GPC6: variants seen among roughly 807,000 people sequenced by gnomAD.
The protein encoded by GPC6 is glypican-6.
In GPC6, 14 loss-of-function variants were observed where a neutral mutation model predicts 55.2. The ratio of observed to expected loss-of-function variants is 0.25; its 90% CI spans 0.17 to 0.40. The LOEUF (loss-of-function observed/expected upper bound fraction) is 0.40, where lower values mean the gene tolerates loss of function less well. Ranked by LOEUF, GPC6 falls within the 10% of genes least tolerant of loss-of-function variation. The probability of loss-of-function intolerance (pLI) is 1.00; values close to 1 mark genes in which losing one functional copy is unlikely to be tolerated. For synonymous variants in GPC6, 278 were observed against 259.6 expected (o/e 1.07, Z -0.68); for missense variants, 641 against 708.5 (o/e 0.90, Z 1.08).
At chr13:93,325,857 T>C (rs796736825) in intron 1 of GPC6, among the ~76,000 whole-genome samples, 67 of 152,242 alleles carry the variant, frequency 4.4e-4, no homozygotes, top group African/African-American at 1.4e-3. Flanking sequence ...TAGGGACTAA[T>C]GAGGAGACTC....
rs1566536809 is a variant in GPC6 at position 93,789,614 on chromosome 13, T to TATATATATAATACTAC, written c.320-40531_320-40530insATACTACATATATATA. 1.7e-3 allele frequency among the ~76,000 whole-genome samples: 66 copies of TATATATATAATACTAC among 39,388 alleles called. 1 individual carries two copies. The highest frequency in any genetic ancestry group is 7.4e-3 in the African/African-American group (65 of 8,840). 25.8% of individuals were successfully genotyped at this position (39,388 alleles called of 152,430 possible). A position where few individuals can be genotyped will look rare whatever the true frequency, so the allele number is the denominator to read the frequency against. On this transcript the variant is annotated intron_variant, in intron 2 of 8. Transcript: ENST00000377047. ...ATAATACTACATATATATATATATA[T>TATATATATAATACTAC]ATATATATATATATATATATATATA... is the stretch of plus-strand genomic sequence containing the variant.
intron 2 of GPC6, among the ~76,000 whole-genome samples, chr13:93,640,757 CTCCCTCCTCCCCACTTTCCT>C (rs1377478363): frequency 2.3e-5 from 2 of 85,314 alleles, no homozygotes; most frequent in East Asian, 5.6e-4. Context: ...CTTTCCTTCC[CTCCCTCCTCCCCACTTTCCT>C]TCCCTCCCTC....
At chr13:93,465,206 T>C (rs960778248) in intron 1 of GPC6, among the ~76,000 whole-genome samples, 1 of 152,190 alleles carries the variant, frequency 6.6e-6, no homozygotes, top group Non-Finnish European at 1.5e-5. Context: ...GAATGAGCAT[T>C]GGCTTCAACT....
intron 2 of GPC6, among the ~76,000 whole-genome samples, chr13:93,621,454 A>G (rs1348697616): frequency 6.6e-6 from 1 of 152,158 alleles, no homozygotes; most frequent in Admixed American, 6.5e-5. Context: ...TGTTTCTCAA[A>G]CTTGGTTGAT....
intron 1 of GPC6, among the ~76,000 whole-genome samples, chr13:93,268,288 G>A (rs1338605690): frequency 6.6e-6 from 1 of 152,160 alleles, no homozygotes; most frequent in Non-Finnish European, 1.5e-5. Context: ...GACTGGTCCC[G>A]CCTGTATGTT....
chr13:93,918,250 G>A (rs1417398975), intron 3 of GPC6, among the ~76,000 whole-genome samples: 1 of 152,098 alleles, frequency 6.6e-6, no homozygotes, highest in Non-Finnish European at 1.5e-5. Context: ...TATGTAGCAT[G>A]ACTTCAAGAT....
chr13:94,344,310 G>C (rs1411090926), intron 6 of GPC6, among the ~76,000 whole-genome samples: 1 of 152,202 alleles, frequency 6.6e-6, no homozygotes, highest in Non-Finnish European at 1.5e-5. Context: ...TTTGTTAAGG[G>C]GAGAATGTGA....
At chr13:93,715,305 T>C (rs1178373018) in intron 2 of GPC6, among the ~76,000 whole-genome samples, 2 of 151,746 alleles carry the variant, frequency 1.3e-5, no homozygotes, top group Non-Finnish European at 2.9e-5. Context: ...TCCTGTCCTT[T>C]ACAGTAGTAT....
Position 93,784,392 on chromosome 13 carries a change from G to A in GPC6, c.320-45762G>A, listed in dbSNP as rs79059330. ...ATCCAAACAATTCTACAGTACTAGG[G>A]CCCCTGAGCAAACAGAGATGTAGGG... On this transcript the variant is annotated intron_variant, in intron 2 of 8. Coordinates refer to ENST00000377047, the MANE Select transcript of GPC6 (RefSeq NM_005708.5). Among the ~76,000 whole-genome samples the A allele has an allele frequency of 4.3e-3, 652 of 152,140 alleles. 4 individuals carry two copies. Among genetic ancestry groups the A allele is most frequent in the African/African-American group, 0.015 (605 of 41,518 alleles).
chr13:93,959,139 C>CT (rs991160010), intron 3 of GPC6, among the ~76,000 whole-genome samples: 5 of 150,462 alleles, frequency 3.3e-5, no homozygotes, highest in Non-Finnish European at 7.4e-5. Flanking sequence ...AATTTGACTA[C>CT]TTTTTTTTCC....
intron 2 of GPC6, among the ~76,000 whole-genome samples, chr13:93,779,896 T>G (rs1885584946): frequency 6.6e-6 from 1 of 152,182 alleles, no homozygotes; most frequent in Non-Finnish European, 1.5e-5. Context: ...TGTGTGCATA[T>G]AAACCCCCTG....
intron 1 of GPC6, among the ~76,000 whole-genome samples, chr13:93,542,450 G>A (rs188122267): frequency 0.057 from 8,648 of 152,160 alleles, 799 homozygotes; most frequent in African/African-American, 0.2. Flanking sequence ...TTTGAAGTCA[G>A]GTAGCGTGAT....
intron 3 of GPC6, among the ~76,000 whole-genome samples, chr13:93,881,350 A>G (rs1465317778): frequency 6.6e-6 from 1 of 152,146 alleles, no homozygotes; most frequent in Non-Finnish European, 1.5e-5. Flanking sequence ...AGACTTGCAG[A>G]CGTAATGAGT....
chr13:93,652,388 C>G (rs1880455422), intron 2 of GPC6, among the ~76,000 whole-genome samples: 1 of 152,136 alleles, frequency 6.6e-6, no homozygotes, highest in African/African-American at 2.4e-5. Context: ...TGCCCCCTGC[C>G]CTGTCAACAT....
intron 4 of GPC6, among the ~76,000 whole-genome samples, chr13:94,069,262 C>T (rs1275430361): frequency 6.6e-6 from 1 of 152,162 alleles, no homozygotes; most frequent in East Asian, 1.9e-4. Context: ...TACCTTGGTC[C>T]CTTTTAGTCA....
chr13:93,501,277 T>C (rs1415132067), intron 1 of GPC6, among the ~76,000 whole-genome samples: 1 of 152,034 alleles, frequency 6.6e-6, no homozygotes, highest in Non-Finnish European at 1.5e-5. Context: ...CAGACTCCTC[T>C]AAAGAGAAAT....
intron 1 of GPC6, among the ~76,000 whole-genome samples, chr13:93,347,104 G>T (rs1880457370): frequency 6.6e-6 from 1 of 152,066 alleles, no homozygotes; most frequent in African/African-American, 2.4e-5. Flanking sequence ...GAACATGTAG[G>T]GGAGAGGATT....
intron 3 of GPC6, among the ~76,000 whole-genome samples, chr13:93,888,481 A>G (rs899395759): frequency 1.3e-5 from 2 of 152,164 alleles, no homozygotes; most frequent in African/African-American, 4.8e-5. Flanking sequence ...TAAAACCAAT[A>G]TTAACTTCTA....
intron 4 of GPC6, among the ~76,000 whole-genome samples, chr13:94,087,140 A>G (rs545642365): frequency 1.3e-5 from 2 of 152,270 alleles, no homozygotes; most frequent in Non-Finnish European, 2.9e-5. Flanking sequence ...TCATAGATTT[A>G]AATGGGATAT....
Sources: allele counts gnomAD v4.1 joint callset (sites outside exome capture counted in the v4.1 genomes callset), GRCh38; gene constraint gnomAD v4.1.1; transcripts MANE v1.5; gene names NCBI Gene and HGNC (gene_info 2026-07-23, HGNC 2026-07-21).